The following ZNF804A variants were observed in gnomAD, a reference collection of about 807,000 sequenced individuals.
ZNF804A encodes the protein zinc finger protein 804A.
Under a neutral mutation model 16.5 loss-of-function variants are expected in ZNF804A, and 2 were observed. The observed-to-expected ratio is 0.12, with a 90% CI of 0.05 to 0.38. The LOEUF is 0.38. ZNF804A is among the 10% of genes least tolerant of loss of function. The pLI is 0.99. For synonymous variants in ZNF804A, 534 were observed against 489.6 expected, an observed-to-expected ratio of 1.09 and a Z score of -1.20; for missense variants, 1,473 against 1,390.7, an observed-to-expected ratio of 1.06 and a Z score of -0.94.
intron 1 of ZNF804A, among the ~76,000 whole-genome samples, chr2:184,620,486 T>A (rs1230764027): frequency 6.6e-6 from 1 of 151,830 alleles, no homozygotes; most frequent in Non-Finnish European, 1.5e-5. Flanking sequence ...CAACTATGCC[T>A]CATTAAAAAT....
chr2:184,743,683 A>C (rs1013287545), intron 1 of ZNF804A, among the ~76,000 whole-genome samples: 46 of 152,036 alleles, frequency 3.0e-4, no homozygotes, highest in African/African-American at 1.1e-3. Context: ...ATTTCCACAA[A>C]TAATATTAAA....
intron 1 of ZNF804A, among the ~76,000 whole-genome samples, chr2:184,856,510 T>C (rs1695689913): frequency 6.6e-6 from 1 of 152,098 alleles, no homozygotes; most frequent in Admixed American, 6.6e-5. Context: ...CACATTATTT[T>C]TTCACTTTAT....
chr2:184,852,042 C>T (rs1337506703), intron 1 of ZNF804A, among the ~76,000 whole-genome samples: 1 of 151,406 alleles, frequency 6.6e-6, no homozygotes, highest in Non-Finnish European at 1.5e-5. Flanking sequence ...TATTTGTTTT[C>T]TTAGTCTTTA....
Position 184,734,209 on chromosome 2 carries a change from A to G in ZNF804A, c.112-132160A>G, listed in dbSNP as rs533596131. Among the ~76,000 whole-genome samples the G allele has an allele frequency of 2.8e-3, 428 of 152,164 alleles. 1 individual carries two copies. The highest frequency in any genetic ancestry group is 1.0e-2 in the African/African-American group (414 of 41,528). On this transcript the variant is annotated intron_variant, in intron 1 of 3. Transcript: ENST00000302277. ...CTCCTGCCTCAGTAACTAGGACTAC[A>G]GGCATATTCCAGCATTTCCTATTTT...
intron 2 of ZNF804A, among the ~76,000 whole-genome samples, chr2:184,883,792 G>C (rs1476625452): frequency 6.6e-6 from 1 of 151,924 alleles, no homozygotes; most frequent in South Asian, 2.1e-4. Flanking sequence ...GGAATTGAAG[G>C]AACATATTTC....
chr2:184,854,283 T>G (rs936706344), intron 1 of ZNF804A, among the ~76,000 whole-genome samples: 1 of 151,944 alleles, frequency 6.6e-6, no homozygotes, highest in African/African-American at 2.4e-5. Context: ...ACTACACAAT[T>G]TATTCAACAT....
chr2:184,926,901 T>C (rs574768810), intron 2 of ZNF804A, among the ~76,000 whole-genome samples: 3 of 152,314 alleles, frequency 2.0e-5, no homozygotes, highest in African/African-American at 7.2e-5. Flanking sequence ...GAATTCTGAA[T>C]TCCTTCTTTC....
At chr2:184,821,309 G>A (rs1695077695) in intron 1 of ZNF804A, among the ~76,000 whole-genome samples, 1 of 152,086 alleles carries the variant, frequency 6.6e-6, no homozygotes, top group Admixed American at 6.6e-5. Context: ...AACAAGCAAT[G>A]GGGAAATGAT....
intron 1 of ZNF804A, among the ~76,000 whole-genome samples, chr2:184,763,590 T>C (rs1262369120): frequency 7.1e-6 from 1 of 141,436 alleles, no homozygotes; most frequent in Non-Finnish European, 1.5e-5. Flanking sequence ...AAGGTGCCCA[T>C]CTACCACTCT....
chr2:184,738,567 A>T (rs1693668890), intron 1 of ZNF804A, among the ~76,000 whole-genome samples: 1 of 152,230 alleles, frequency 6.6e-6, no homozygotes. Context: ...TCAAGTTAGC[A>T]TTAGTGTATT....
At chr2:184,830,054 CCACTGT>C (rs1695237773) in intron 1 of ZNF804A, among the ~76,000 whole-genome samples, 1 of 151,114 alleles carries the variant, frequency 6.6e-6, no homozygotes, top group Admixed American at 6.6e-5. Context: ...CTACATCCTG[CCACTGT>C]ACTCTAGCCT....
intron 1 of ZNF804A, among the ~76,000 whole-genome samples, chr2:184,837,281 G>A (rs1695367007): frequency 6.6e-6 from 1 of 151,980 alleles, no homozygotes; most frequent in Non-Finnish European, 1.5e-5. Flanking sequence ...TAAACAGTAG[G>A]TTAGACAAAG....
At position 184,643,792 on chromosome 2, in the gene ZNF804A, T is replaced by C. The variant is rs531441363; in HGVS notation, c.111+44722T>C. ...TCAATATATAAAATGTGGATATGTG[T>C]ATATGTTTTATATAATATAAAGTAT... On this transcript the variant is annotated intron_variant, in intron 1 of 3. Coordinates refer to ENST00000302277, the MANE Select transcript of ZNF804A (RefSeq NM_194250.2). 7.9e-5 allele frequency among the ~76,000 whole-genome samples: 12 copies of C among 151,420 alleles called. No individual in the cohort carries two copies. The East Asian group carries it at 2.3e-3, about 29-fold the overall frequency.
chr2:184,864,730 ATTTCAGACT>A (rs1312669234), intron 1 of ZNF804A, among the ~76,000 whole-genome samples: 2 of 152,164 alleles, frequency 1.3e-5, no homozygotes, highest in Non-Finnish European at 1.5e-5. Flanking sequence ...AATTGCTTTA[ATTTCAGACT>A]ATAAGTCCTT....
chr2:184,728,710 A>G (rs1693463219), intron 1 of ZNF804A, among the ~76,000 whole-genome samples: 1 of 151,988 alleles, frequency 6.6e-6, no homozygotes. Context: ...AACATGAAAA[A>G]TAAGCCAGCA....
chr2:184,765,335 C>A (rs1216817456), intron 1 of ZNF804A, among the ~76,000 whole-genome samples: 1 of 151,944 alleles, frequency 6.6e-6, no homozygotes, highest in Non-Finnish European at 1.5e-5. Flanking sequence ...CGTCTTATGC[C>A]CAATTTCTGC....
chr2:184,677,945 A>G (rs1692465857), intron 1 of ZNF804A, among the ~76,000 whole-genome samples: 1 of 152,026 alleles, frequency 6.6e-6, no homozygotes, highest in Non-Finnish European at 1.5e-5. Context: ...AATAATTTAC[A>G]CTATCTGACT....
At chr2:184,662,415 A>T (rs1274047337) in intron 1 of ZNF804A, among the ~76,000 whole-genome samples, 1 of 152,222 alleles carries the variant, frequency 6.6e-6, no homozygotes, top group Non-Finnish European at 1.5e-5. Flanking sequence ...TCTTTGTGTG[A>T]CTACCCAAAT....
intron 1 of ZNF804A, among the ~76,000 whole-genome samples, chr2:184,691,639 T>C (rs1237968609): frequency 6.6e-6 from 1 of 151,776 alleles, no homozygotes; most frequent in Non-Finnish European, 1.5e-5. Context: ...ATACTGTTAA[T>C]ATAAACTTTC....
Sources: gnomAD v4.1 joint callset for allele counts (sites outside exome capture counted in the v4.1 genomes callset) on GRCh38, gnomAD v4.1.1 for gene constraint, MANE v1.5 for transcripts, NCBI Gene and HGNC (gene_info 2026-07-23, HGNC 2026-07-21) for gene names.